The following PCDHA6 variants were observed in gnomAD, a reference collection of about 807,000 sequenced individuals.
PCDHA6 encodes protocadherin alpha 6.
A neutral mutation model predicts 60.3 loss-of-function variants in PCDHA6; 55 were observed. That is an observed-to-expected ratio of 0.91 (90% CI 0.73 to 1.14). The LOEUF is 1.14. Among genes scored for constraint, PCDHA6 ranks in the 50% most tolerant of loss-of-function variants. The probability of loss-of-function intolerance (pLI) is 0.00; values close to 1 mark genes in which losing one functional copy is unlikely to be tolerated. For synonymous variants in PCDHA6, 652 were observed against 557.9 expected (o/e 1.17, Z -2.38); for missense variants, 1,327 against 1,256.5 (o/e 1.06, Z -0.85).
chr5:140,908,329 A>T (rs539575503), intron 1 of PCDHA6, among the ~76,000 whole-genome samples: 140 of 152,214 alleles, frequency 9.2e-4, no homozygotes, highest in African/African-American at 2.7e-3. Flanking sequence ...AGACCATGGG[A>T]ATTTGAGCCA....
At chr5:140,947,134 A>T in intron 1 of PCDHA6, among the ~76,000 whole-genome samples, 1 of 151,648 alleles carries the variant, frequency 6.6e-6, no homozygotes, top group Admixed American at 6.6e-5. Context: ...AAAAATAGTA[A>T]AATGTATAGT....
chr5:140,843,509 G>A, intron 1 of PCDHA6: 1 of 1,595,970 alleles, frequency 6.3e-7, no homozygotes. Context: ...GCCCACTGAG[G>A]GCGGGTGCCG....
intron 1 of PCDHA6, chr5:140,841,802 G>A: frequency 6.2e-7 from 1 of 1,613,944 alleles, no homozygotes; most frequent in Non-Finnish European, 8.5e-7. Context: ...GTCCGATGCA[G>A]ATGTTGGAGC....
rs548391443 is a variant in PCDHA6, at chr5:140,892,979, C to T, written c.2394+62494C>T. Among the ~76,000 whole-genome samples, 6 of 152,224 alleles carry T rather than the reference C, an allele frequency of 3.9e-5. No individual in the cohort carries two copies. The South Asian group carries it at 1.2e-3, about 32-fold the overall frequency. On this transcript the variant is annotated intron_variant, in intron 1 of 3. Transcript: ENST00000529310. ...GAGCTCAATAAAATTTTGTAGCTGC[C>T]GTATAAGTGAGAACATGTATTTATT...
intron 1 of PCDHA6, chr5:140,928,173 C>T (rs1554205586): frequency 1.2e-6 from 2 of 1,614,170 alleles, no homozygotes; most frequent in Admixed American, 1.7e-5. Flanking sequence ...CACTTAGCAC[C>T]CGAAGGACAA....
intron 1 of PCDHA6, chr5:140,850,409 C>G: frequency 6.3e-7 from 1 of 1,597,868 alleles, no homozygotes; most frequent in South Asian, 1.1e-5. Flanking sequence ...GTGCCCTGGA[C>G]GAAACGGACG....
At chr5:140,876,361 C>T (rs1554168496) in intron 1 of PCDHA6, 1 of 1,613,880 alleles carries the variant, frequency 6.2e-7, no homozygotes. Flanking sequence ...TTCAATAAAT[C>T]CAGACACAGG....
chr5:140,836,286 C>G lies in PCDHA6; in HGVS notation c.2394+5801C>G, dbSNP rs146878440. 2.7e-4 allele frequency: 429 copies of G among 1,613,656 alleles called. 1 individual carries two copies. Among genetic ancestry groups the G allele is most frequent in the Non-Finnish European group, 5.8e-5 (68 of 1,179,818 alleles). ...GTACACTGGTGAGATCAGCACGACACGAGCCCTAGATGAGACGGACGCACC... is the reference window on the plus strand; with the variant it reads ...GTACACTGGTGAGATCAGCACGACAGGAGCCCTAGATGAGACGGACGCACC... On this transcript the variant is annotated intron_variant, in intron 1 of 3. Coordinates refer to ENST00000529310, the MANE Select transcript of PCDHA6 (RefSeq NM_018909.4).
chr5:140,989,237 A>C (rs2097333860), intron 3 of PCDHA6, among the ~76,000 whole-genome samples: 1 of 152,172 alleles, frequency 6.6e-6, no homozygotes, highest in African/African-American at 2.4e-5. Flanking sequence ...CTGAAGTTTT[A>C]AGCCCCTTGT....
At position 141,010,091 on chromosome 5, in the gene PCDHA6, A is replaced by G; in HGVS notation, c.*154A>G. The G allele has an allele frequency of 6.2e-7, 1 of 1,612,860 alleles. No individual in the cohort carries two copies. The highest frequency in any genetic ancestry group is 8.5e-7 in the Non-Finnish European group (1 of 1,179,382). ...AGTTCCCTGTGTCTGTCTAGAACGCATTTAACAGGTTTTGTCGTAAAAGCT... is the reference window on the plus strand; with the variant it reads ...AGTTCCCTGTGTCTGTCTAGAACGCGTTTAACAGGTTTTGTCGTAAAAGCT... On this transcript the variant is annotated 3_prime_UTR_variant, in exon 4 of 4. Coordinates refer to ENST00000529310, the MANE Select transcript of PCDHA6 (RefSeq NM_018909.4).
At chr5:140,852,576 T>G in intron 1 of PCDHA6, 1 of 821,650 alleles carries the variant, frequency 1.2e-6, no homozygotes, top group Non-Finnish European at 1.5e-6. Flanking sequence ...GTGCCAAGGC[T>G]TTTTTATTTT....
intron 1 of PCDHA6, chr5:140,871,072 G>A: frequency 6.2e-7 from 1 of 1,613,238 alleles, no homozygotes; most frequent in Non-Finnish European, 8.5e-7. Context: ...CGGTGAGCCG[G>A]CGCTGACGGC....
intron 1 of PCDHA6, among the ~76,000 whole-genome samples, chr5:140,911,931 T>C (rs1057514341): frequency 1.8e-4 from 28 of 152,134 alleles, no homozygotes; most frequent in African/African-American, 6.8e-4. Context: ...ACTAATAGGA[T>C]AGATGTATAT....
chr5:140,828,073 A>G lies in PCDHA6; in HGVS notation c.-19A>G. 1 of 1,567,184 alleles carries G rather than the reference A, an allele frequency of 6.4e-7. No individual in the cohort carries two copies. The highest frequency in any genetic ancestry group is 2.2e-5 in the East Asian group (1 of 44,468). On this transcript the variant is annotated 5_prime_UTR_variant, in exon 1 of 4. It adds an upstream start codon to the 5' untranslated region. Coordinates refer to ENST00000529310, the MANE Select transcript of PCDHA6 (RefSeq NM_018909.4). The stretch of plus-strand genomic sequence containing the variant: ...ATGCGGAAGATCTTCTAATGGAAAT[A>G]AAACCAGAGGTATTTGACATGGTGT...
chr5:140,835,256 C>T (rs201236040), intron 1 of PCDHA6: 72 of 1,606,500 alleles, frequency 4.5e-5, no homozygotes, highest in Non-Finnish European at 5.9e-5. Context: ...ATATAAAATC[C>T]AAGTTCCACA....
intron 1 of PCDHA6, chr5:140,875,909 C>A (rs1554168058): frequency 1.2e-6 from 2 of 1,614,048 alleles, no homozygotes; most frequent in African/African-American, 2.7e-5. Flanking sequence ...TCTGAATCTG[C>A]GCCTCTGGAC....
chr5:140,842,600 G>C (rs1778125962), intron 1 of PCDHA6: 1 of 1,543,982 alleles, frequency 6.5e-7, no homozygotes. Flanking sequence ...GGTGGTAACC[G>C]CGCGGGACGG....
chr5:140,828,617 G>A lies in PCDHA6; in HGVS notation c.526G>A (p.Glu176Lys), dbSNP rs2150157424. The change falls in exon 1 of 4, where the codon GAA (glutamate) becomes AAA (lysine). Residue 176 changes from glutamate to lysine, a missense_variant. Physicochemically the swap from Glu to Lys is moderately conservative, Grantham distance 56. Transcript: ENST00000529310. ...SILTYKLSSS[E>K]YFGLDVKINS... ...CTTAACCTATAAACTCAGTTCTAGCGAATACTTCGGGCTAGATGTGAAAAT... is the reference window on the plus strand; with the variant it reads ...CTTAACCTATAAACTCAGTTCTAGCAAATACTTCGGGCTAGATGTGAAAAT... 3.1e-6 allele frequency: 5 copies of A among 1,614,158 alleles called. No individual in the cohort carries two copies. In the South Asian group the frequency reaches 5.5e-5, roughly 18 times the overall value.
At chr5:140,978,566 T>G (rs1554239422) in intron 1 of PCDHA6, among the ~76,000 whole-genome samples, 1 of 152,204 alleles carries the variant, frequency 6.6e-6, no homozygotes, top group East Asian at 1.9e-4. Flanking sequence ...ATAGCTGTAA[T>G]ACTGAATTGG....
Sources: allele counts gnomAD v4.1 joint callset (sites outside exome capture counted in the v4.1 genomes callset), GRCh38; gene constraint gnomAD v4.1.1; transcripts MANE v1.5; gene names NCBI Gene and HGNC (gene_info 2026-07-23, HGNC 2026-07-21).